Variants in COG6 observed in about 807,000 individuals in gnomAD.
The protein encoded by COG6 is conserved oligomeric Golgi complex subunit 6.
A neutral mutation model predicts 88.8 loss-of-function variants in COG6; 74 were observed. That is an observed-to-expected ratio of 0.83 (90% CI 0.69 to 1.01). The LOEUF (loss-of-function observed/expected upper bound fraction) is 1.01. COG6 is among the 50% of genes least tolerant of loss of function. COG6 has a pLI of 0.00. For missense variants in COG6, 800 were observed against 797.9 expected, an observed-to-expected ratio of 1.00 and a Z score of -0.03; for synonymous variants, 286 against 278.7, an observed-to-expected ratio of 1.03 and a Z score of -0.26.
At chr13:39,713,965 T>C (rs1179953647) in intron 13 of COG6, among the ~76,000 whole-genome samples, 1 of 152,172 alleles carries the variant, frequency 6.6e-6, no homozygotes, top group Non-Finnish European at 1.5e-5. Context: ...GCCGATCTAA[T>C]GGATGTGTGT....
At chr13:39,772,301 AT>A (rs1436277519) in intron 18 of COG6, among the ~76,000 whole-genome samples, 1 of 152,074 alleles carries the variant, frequency 6.6e-6, no homozygotes, top group African/African-American at 2.4e-5. Context: ...TCCAGAATAT[AT>A]TGTACCTGCT....
At chr13:39,719,854 G>A (rs1364118472) in intron 15 of COG6, 27 bp downstream of exon 15, 2 of 1,556,056 alleles carry the variant, frequency 1.3e-6, no homozygotes, top group South Asian at 2.2e-5. Context: ...AATGACTATT[G>A]ACTATGATTG....
At chr13:39,733,345 T>C (rs1879559497) in intron 18 of COG6, among the ~76,000 whole-genome samples, 1 of 151,766 alleles carries the variant, frequency 6.6e-6, no homozygotes, top group African/African-American at 2.4e-5. Context: ...CACCTGCCAA[T>C]GTGCCCGGCT....
intron 17 of COG6, 76 bp from the exon 18 acceptor site, chr13:39,727,393 A>G: frequency 1.9e-6 from 2 of 1,060,944 alleles, no homozygotes; most frequent in South Asian, 2.5e-5. Flanking sequence ...TTAATTCTTA[A>G]AAGAGATGTT....
chr13:39,715,253 A>G (rs1878465983), intron 13 of COG6, among the ~76,000 whole-genome samples: 1 of 21,898 alleles, frequency 4.6e-5, no homozygotes. Context: ...GACACTATAT[A>G]CTCCTCTCTC....
chr13:39,712,826 C>T (rs2138062293), intron 13 of COG6, among the ~76,000 whole-genome samples: 1 of 152,242 alleles, frequency 6.6e-6, no homozygotes, highest in Non-Finnish European at 1.5e-5. Flanking sequence ...AGCTTACCTG[C>T]CCGAGCAAGT....
rs960368178 is a variant in COG6, at chr13:39,694,697, C to T, written c.1138C>T (p.Leu380Phe). 1 of 1,592,852 alleles carries T rather than the reference C, an allele frequency of 6.3e-7. No homozygotes were observed. The highest frequency in any genetic ancestry group is 1.1e-5 in the South Asian group (1 of 89,716). The change falls in exon 12 of 19, where the codon CTC (leucine) becomes TTC (phenylalanine). Residue 380 changes from leucine (L) to phenylalanine (F), a missense_variant. Physicochemically the swap from Leu to Phe is conservative, Grantham distance 22. Transcript: ENST00000455146. Reference sequence around the variant, plus strand: ...AGTTTTATTATATAAAATTTCTAATCTCCTCAAATTTTATCACCATACAAT... The same window carrying T: ...AGTTTTATTATATAAAATTTCTAATTTCCTCAAATTTTATCACCATACAAT... ...GAVLLYKISNLLKFYHHTISG... is the reference protein window; with the variant it reads ...GAVLLYKISNFLKFYHHTISG...
intron 13 of COG6, among the ~76,000 whole-genome samples, chr13:39,716,336 T>C (rs1566192841): frequency 6.6e-6 from 1 of 152,084 alleles, no homozygotes; most frequent in Non-Finnish European, 1.5e-5. Flanking sequence ...CAGTTATTGT[T>C]TGCAACGTAT....
chr13:39,665,832 A>C (rs753569540), intron 4 of COG6, among the ~76,000 whole-genome samples: 1 of 152,234 alleles, frequency 6.6e-6, no homozygotes, highest in African/African-American at 2.4e-5. Context: ...AGTAATATGG[A>C]GATATTACCA....
chr13:39,718,185 T>G (rs369765847), intron 13 of COG6, among the ~76,000 whole-genome samples: 151 of 152,266 alleles, frequency 9.9e-4, no homozygotes, highest in African/African-American at 3.5e-3. Flanking sequence ...TTATGATTTT[T>G]TTGTTCTTGT....
rs762104654 is a variant in COG6, at chr13:39,727,469, G to C, written c.1747G>C (p.Val583Leu). The C allele has an allele frequency of 1.2e-6, 2 of 1,609,496 alleles. No homozygotes were observed. Among genetic ancestry groups the C allele is most frequent in the Non-Finnish European group, 8.5e-7 (1 of 1,176,080 alleles). Reference sequence around the variant, plus strand: ...TTTTGTATTTCTCTGTTTCATTTAGGTTCAGTTTGATCGTTATCTGTCAGC... The same window carrying C: ...TTTTGTATTTCTCTGTTTCATTTAGCTTCAGTTTGATCGTTATCTGTCAGC... ...LDSVTLKAAMVQFDRYLSAPD... is the reference protein window; with the variant it reads ...LDSVTLKAAMLQFDRYLSAPD... The change falls in exon 18 of 19, where the codon GTT (valine) becomes CTT (leucine). Residue 583 changes from valine (V) to leucine (L), a missense_variant and splice_region_variant. Coordinates refer to ENST00000455146, the MANE Select transcript of COG6 (RefSeq NM_020751.3).
intron 18 of COG6, 108 bp from the exon 19 acceptor site, chr13:39,750,838 T>C: frequency 1.3e-6 from 1 of 793,406 alleles, no homozygotes; most frequent in South Asian, 1.5e-5. Flanking sequence ...GTATGTGTGA[T>C]GATAATGAAA....
chr13:39,767,579 T>C (rs1459475895), intron 18 of COG6, among the ~76,000 whole-genome samples: 1 of 152,160 alleles, frequency 6.6e-6, no homozygotes, highest in Non-Finnish European at 1.5e-5. Flanking sequence ...GTTCTCTCTG[T>C]GTGTGTTAGT....
At chr13:39,706,081 G>T (rs1367177746) in intron 13 of COG6, among the ~76,000 whole-genome samples, 1 of 150,742 alleles carries the variant, frequency 6.6e-6, no homozygotes, top group African/African-American at 2.4e-5. Context: ...AATTTATCTT[G>T]GACAATTTTA....
chr13:39,759,883 G>T (rs927900268), intron 18 of COG6, among the ~76,000 whole-genome samples: 1 of 152,092 alleles, frequency 6.6e-6, no homozygotes, highest in Non-Finnish European at 1.5e-5. Flanking sequence ...TGTTGATAAG[G>T]CCACAAGTAT....
chr13:39,769,138 C>T (rs908533234), intron 18 of COG6, among the ~76,000 whole-genome samples: 1 of 151,988 alleles, frequency 6.6e-6, no homozygotes, highest in Non-Finnish European at 1.5e-5. Context: ...ATGTCTGGAG[C>T]TTTTCTAAAG....
exon 19 of COG6, chr13:39,788,495 G>A (rs888882415): frequency 4.1e-6 from 3 of 736,380 alleles, no homozygotes; most frequent in Non-Finnish European, 4.6e-6. Flanking sequence ...TGTCTACTCT[G>A]TGACTCTTCA....
At chr13:39,747,093 C>T (rs550064340) in intron 18 of COG6, among the ~76,000 whole-genome samples, 1 of 152,268 alleles carries the variant, frequency 6.6e-6, no homozygotes, top group East Asian at 1.9e-4. Flanking sequence ...GGTTAAATTA[C>T]TTGTTCAAGG....
Position 39,687,549 on chromosome 13 carries a change from C to A in COG6, c.835C>A (p.Arg279Ser). The change falls in exon 9 of 19, where the codon CGT (arginine) becomes AGT (serine). Residue 279 changes from arginine to serine, a missense_variant. By Grantham distance (110) the Arg-to-Ser change is moderately radical. Coordinates refer to ENST00000455146, the MANE Select transcript of COG6 (RefSeq NM_020751.3). Reference protein sequence around the residue: ...FGTARRSTVVRGFIDALTRGG... With the variant: ...FGTARRSTVVSGFIDALTRGG... Reference sequence around the variant, plus strand: ...AACAGCCAGAAGAAGTACAGTTGTTCGTGGATTTATTGATGCGCTCACAAG... The same window carrying A: ...AACAGCCAGAAGAAGTACAGTTGTTAGTGGATTTATTGATGCGCTCACAAG... 2 of 1,612,810 alleles carry A rather than the reference C, an allele frequency of 1.2e-6. No individual in the cohort carries two copies. The highest frequency in any genetic ancestry group is 1.7e-6 in the Non-Finnish European group (2 of 1,179,232).
Sources: gnomAD v4.1 joint callset for allele counts (sites outside exome capture counted in the v4.1 genomes callset) on GRCh38, gnomAD v4.1.1 for gene constraint, MANE v1.5 for transcripts, NCBI Gene and HGNC (gene_info 2026-07-23, HGNC 2026-07-21) for gene names.